ZFAND4: variants seen among roughly 807,000 people sequenced by gnomAD.
ZFAND4 encodes the protein AN1-type zinc finger protein 4.
Under a neutral mutation model 64.4 loss-of-function variants are expected in ZFAND4, and 43 were observed. The ratio of observed to expected loss-of-function variants is 0.67; its 90% confidence interval spans 0.52 to 0.86. The LOEUF (loss-of-function observed/expected upper bound fraction) is 0.86, where lower values mean the gene tolerates loss of function less well. Ranked by LOEUF, ZFAND4 falls within the 40% of genes least tolerant of loss-of-function variation. The pLI is 0.00. For synonymous variants in ZFAND4, 296 were observed against 305.7 expected (o/e 0.97, Z 0.33); for missense variants, 929 against 859.8 (o/e 1.08, Z -1.01).
At chr10:45,637,710 AC>A (rs2046707032) in intron 6 of ZFAND4, among the ~76,000 whole-genome samples, 4 of 152,304 alleles carry the variant, frequency 2.6e-5, no homozygotes. Context: ...AGATCACACC[AC>A]TGCACTCCAG....
chr10:45,620,490 AAAG>A (rs1035027159), intron 8 of ZFAND4, among the ~76,000 whole-genome samples: 6 of 152,204 alleles, frequency 3.9e-5, no homozygotes, highest in Admixed American at 1.3e-4. Flanking sequence ...GTCTAAAAAA[AAAG>A]AACTCTTGCG....
chr10:45,620,561 G>A (rs2045348730), intron 8 of ZFAND4, among the ~76,000 whole-genome samples: 1 of 152,156 alleles, frequency 6.6e-6, no homozygotes, highest in East Asian at 1.9e-4. Flanking sequence ...AAAAATATAA[G>A]TGCAGTACTC....
chr10:45,648,172 T>G, intron 5 of ZFAND4, 122 bp downstream of exon 5: 4 of 990,954 alleles, frequency 4.0e-6, no homozygotes, highest in Non-Finnish European at 5.6e-6. Context: ...ATCATATCAA[T>G]TATACGAAGG....
intron 5 of ZFAND4, among the ~76,000 whole-genome samples, chr10:45,646,677 G>T (rs966781409): frequency 5.3e-5 from 8 of 152,070 alleles, no homozygotes; most frequent in Non-Finnish European, 1.2e-4. Context: ...GAAAACTGAT[G>T]GTAACACGTT....
intron 6 of ZFAND4, among the ~76,000 whole-genome samples, chr10:45,628,095 G>C (rs1037100028): frequency 2.0e-5 from 3 of 152,150 alleles, no homozygotes; most frequent in Non-Finnish European, 4.4e-5. Context: ...TATGAATAAA[G>C]TTGAGAACTA....
intron 1 of ZFAND4, among the ~76,000 whole-genome samples, chr10:45,668,638 A>G (rs2048986156): frequency 6.6e-6 from 1 of 152,210 alleles, no homozygotes; most frequent in African/African-American, 2.4e-5. Context: ...AGTTGACCAC[A>G]TAGCTGGAAG....
intron 8 of ZFAND4, among the ~76,000 whole-genome samples, chr10:45,621,435 AAAG>A (rs1352481420): frequency 6.6e-6 from 1 of 151,712 alleles, no homozygotes; most frequent in Non-Finnish European, 1.5e-5. Flanking sequence ...AAAAAAAAAA[AAAG>A]GACAGAAGAA....
chr10:45,627,047 C>A lies in ZFAND4; in HGVS notation c.776G>T (p.Gly259Val). Residue 259 changes from glycine to valine, a missense_variant, in exon 7 of 10, where the codon GGT becomes GTT. Transcript: ENST00000344646. ...TCGGTGGCGAGATGGTGCAGTGGAA[C>A]CACTAGAAGGTCGAGGAGCTACAGG... ...HPPVAPRPSS[G>V]STAPSRHRLL... 1 of 1,595,872 alleles carries A rather than the reference C, an allele frequency of 6.3e-7. No homozygotes were observed. The highest frequency in any genetic ancestry group is 8.5e-7 in the Non-Finnish European group (1 of 1,170,094).
chr10:45,658,365 C>G (rs2048266419), intron 2 of ZFAND4, among the ~76,000 whole-genome samples: 1 of 152,148 alleles, frequency 6.6e-6, no homozygotes, highest in South Asian at 2.1e-4. Context: ...GTGACAGATT[C>G]TACAGCCCTC....
At chr10:45,616,970 C>T (rs942617687) in intron 9 of ZFAND4, among the ~76,000 whole-genome samples, 4 of 151,412 alleles carry the variant, frequency 2.6e-5, no homozygotes, top group South Asian at 2.1e-4. Context: ...TCCAGCTACT[C>T]GGGAGGCTGA....
At chr10:45,670,924 A>T (rs1431187337) in intron 1 of ZFAND4, among the ~76,000 whole-genome samples, 1 of 152,242 alleles carries the variant, frequency 6.6e-6, no homozygotes, top group Non-Finnish European at 1.5e-5. Context: ...AAAATTTTGC[A>T]ATCTACCCAT....
At chr10:45,624,340 T>G (rs2045643840) in intron 8 of ZFAND4, among the ~76,000 whole-genome samples, 1 of 152,242 alleles carries the variant, frequency 6.6e-6, no homozygotes, top group African/African-American at 2.4e-5. Flanking sequence ...TGTGGGTTTT[T>G]TTGACATAGA....
At chr10:45,662,239 C>T (rs914755503) in intron 2 of ZFAND4, among the ~76,000 whole-genome samples, 2 of 152,180 alleles carry the variant, frequency 1.3e-5, no homozygotes, top group Non-Finnish European at 2.9e-5. Context: ...CAAAAAGCCA[C>T]TGCTTTTGTC....
chr10:45,642,539 A>G (rs2047079871), intron 5 of ZFAND4, among the ~76,000 whole-genome samples: 1 of 150,832 alleles, frequency 6.6e-6, no homozygotes, highest in Non-Finnish European at 1.5e-5. Flanking sequence ...CCCGGGAGGC[A>G]GAGCTTGCAA....
intron 2 of ZFAND4, among the ~76,000 whole-genome samples, chr10:45,660,297 C>T (rs888252832): frequency 6.6e-6 from 1 of 151,758 alleles, no homozygotes; most frequent in Non-Finnish European, 1.5e-5. Context: ...TCCAGCCTGG[C>T]CAACATAGTG....
chr10:45,670,393 AT>A (rs199531369), intron 1 of ZFAND4, among the ~76,000 whole-genome samples: 4 of 151,912 alleles, frequency 2.6e-5, no homozygotes, highest in Non-Finnish European at 2.9e-5. Flanking sequence ...CGCCCGGCTA[AT>A]TTTTTTGCAT....
chr10:45,623,924 T>C (rs12764555), intron 8 of ZFAND4, among the ~76,000 whole-genome samples: 20,726 of 152,182 alleles, frequency 0.14, 1,512 homozygotes, highest in Middle Eastern at 0.23. Flanking sequence ...CCATAACAAA[T>C]AAGGTATCTT....
chr10:45,639,856 A>C lies in ZFAND4; in HGVS notation c.677T>G (p.Leu226Arg). The stretch of plus-strand genomic sequence containing the variant: ...CATGTTCTTCATCTTAGCCTTCAGC[A>C]GCTTCATCTTATTCATAGTTATTGA... Reference protein sequence around the residue: ...ENSITMNKMKLLKAKMKNMNL... With the variant: ...ENSITMNKMKRLKAKMKNMNL... Residue 226 changes from leucine to arginine, a missense_variant, in exon 6 of 10, where the codon CTG becomes CGG. By Grantham distance (102) the Leu-to-Arg change is moderately radical. Transcript: ENST00000344646. 1 of 1,612,578 alleles carries C rather than the reference A, an allele frequency of 6.2e-7. No individual in the cohort carries two copies. The highest frequency in any genetic ancestry group is 8.5e-7 in the Non-Finnish European group (1 of 1,179,678).
intron 7 of ZFAND4, among the ~76,000 whole-genome samples, chr10:45,625,598 C>A (rs10900229): frequency 6.6e-6 from 1 of 150,434 alleles, no homozygotes; most frequent in Non-Finnish European, 1.5e-5. Context: ...ATTTTTAATA[C>A]GTATTTGAAA....
Sources: allele counts gnomAD v4.1 joint callset (sites outside exome capture counted in the v4.1 genomes callset), GRCh38; gene constraint gnomAD v4.1.1; transcripts MANE v1.5; gene names NCBI Gene and HGNC (gene_info 2026-07-23, HGNC 2026-07-21).